Variants in DLGAP2 observed in about 807,000 individuals in gnomAD.
DLGAP2 encodes the protein DLG associated protein 2.
Under a neutral mutation model 100.3 loss-of-function variants are expected in DLGAP2, and 26 were observed. The ratio of observed to expected loss-of-function variants is 0.26; its 90% CI spans 0.19 to 0.36. The LOEUF (loss-of-function observed/expected upper bound fraction) is 0.36. Among genes scored for constraint, DLGAP2 ranks in the 10% least tolerant of loss-of-function variants. The pLI is 1.00. For missense variants in DLGAP2, 1,858 were observed against 1,453.2 expected (o/e 1.28, Z -4.53); for synonymous variants, 886 against 630.1 (o/e 1.41, Z -6.08).
chr8:739,136 C>A, intron 1 of DLGAP2: 1 of 152,678 alleles, frequency 6.5e-6, no homozygotes, highest in South Asian at 2.0e-4. Context: ...TGGATGAACT[C>A]GGCCAGCCCG....
chr8:822,833 T>C (rs2132688507), intron 1 of DLGAP2, among the ~76,000 whole-genome samples: 1 of 152,280 alleles, frequency 6.6e-6, no homozygotes, highest in Middle Eastern at 3.4e-3. Context: ...TGCTGGGTGC[T>C]TCAGGGACTG....
Position 1,626,414 on chromosome 8 carries a change from A to G in DLGAP2, c.1443-326A>G, listed in dbSNP as rs868086147. ...ACGGCTGTTCCCATCTCTACCCTGC[A>G]GCGGGTGCTCACCCTCTGGGTGTGG... On this transcript the variant is annotated intron_variant, in intron 6 of 14. Coordinates refer to ENST00000637795, the MANE Select transcript of DLGAP2 (RefSeq NM_001346810.2). Among the ~76,000 whole-genome samples the G allele has an allele frequency of 4.4e-4, 37 of 84,610 alleles. No homozygotes were observed. In the South Asian group the frequency reaches 6.2e-3, roughly 14 times the overall value. 55.5% of individuals were successfully genotyped at this position (84,610 alleles called of 152,430 possible).
Position 1,706,526 on chromosome 8 carries a change from A to G in DLGAP2, c.*5120A>G, listed in dbSNP as rs1251498190. On this transcript the variant is annotated 3_prime_UTR_variant, in exon 15 of 15. Transcript: ENST00000637795. ...GACCACCAGAGGCAGAGGCCATGAG[A>G]CTGTCTTTGGAAAGGTTTGGAAATG... 2.6e-5 allele frequency: 4 copies of G among 152,294 alleles called. No individual in the cohort carries two copies. The highest frequency in any genetic ancestry group is 7.2e-5 in the African/African-American group (3 of 41,552). The allele number at this position is 152,294 out of a possible 1,614,324, so 9.4% of individuals were successfully genotyped here. A position where few individuals can be genotyped will look rare whatever the true frequency, so the allele number is the denominator to read the frequency against.
chr8:1,610,111 A>T (rs1362716425), intron 6 of DLGAP2, among the ~76,000 whole-genome samples: 2 of 151,902 alleles, frequency 1.3e-5, no homozygotes, highest in Admixed American at 1.3e-4. Context: ...CACCACACCT[A>T]TTCCAAAATT....
intron 1 of DLGAP2, among the ~76,000 whole-genome samples, chr8:896,612 G>A (rs962782148): frequency 6.6e-6 from 1 of 152,142 alleles, no homozygotes; most frequent in Non-Finnish European, 1.5e-5. Context: ...AGTCACGAGG[G>A]TGGGGCCCCC....
At chr8:1,302,569 G>C (rs1001055429) in intron 3 of DLGAP2, 1 of 151,968 alleles carries the variant, frequency 6.6e-6, no homozygotes, top group Non-Finnish European at 1.5e-5. Flanking sequence ...GTGAGTTCCC[G>C]AGCTCTGCTC....
intron 2 of DLGAP2, among the ~76,000 whole-genome samples, chr8:969,555 G>A (rs1013970046): frequency 1.3e-5 from 2 of 149,230 alleles, no homozygotes; most frequent in African/African-American, 2.4e-5. Context: ...AAAAAAAAAA[G>A]ATATAAACTT....
chr8:1,156,401 C>T (rs1183979981), intron 2 of DLGAP2, among the ~76,000 whole-genome samples: 2 of 152,168 alleles, frequency 1.3e-5, no homozygotes, highest in African/African-American at 2.4e-5. Flanking sequence ...TGGGTCTGGC[C>T]GTGGGCCGTG....
chr8:901,431 C>T (rs1012183727), intron 1 of DLGAP2, among the ~76,000 whole-genome samples: 1 of 152,202 alleles, frequency 6.6e-6, no homozygotes, highest in African/African-American at 2.4e-5. Flanking sequence ...AAGTGTTTAT[C>T]TGCTAAGAAA....
chr8:1,449,048 G>A (rs917000763), intron 3 of DLGAP2, among the ~76,000 whole-genome samples: 1 of 152,182 alleles, frequency 6.6e-6, no homozygotes, highest in African/African-American at 2.4e-5. Context: ...GGTCAGGGAC[G>A]GCACATCCCG....
chr8:1,535,229 T>C (rs1429520729), intron 4 of DLGAP2, among the ~76,000 whole-genome samples: 3 of 152,174 alleles, frequency 2.0e-5, no homozygotes, highest in African/African-American at 4.8e-5. Flanking sequence ...GTAGCCCTGG[T>C]CATCACAGCC....
chr8:952,059 C>CGAG (rs1395995067), intron 2 of DLGAP2, among the ~76,000 whole-genome samples: 3 of 152,206 alleles, frequency 2.0e-5, no homozygotes, highest in Non-Finnish European at 4.4e-5. Flanking sequence ...TGGCACTGAC[C>CGAG]TCTCCTTTTT....
chr8:1,459,197 G>A (rs6985481), intron 3 of DLGAP2, among the ~76,000 whole-genome samples: 4,200 of 41,072 alleles, frequency 0.1, 272 homozygotes, highest in East Asian at 0.41. Context: ...GTTTACATGC[G>A]TAGACCCCAG....
At chr8:1,586,878 C>T (rs189620663) in intron 6 of DLGAP2, among the ~76,000 whole-genome samples, 3 of 152,232 alleles carry the variant, frequency 2.0e-5, no homozygotes, top group African/African-American at 7.2e-5. Context: ...AGGGGATTTT[C>T]TGGGCATGTG....
At chr8:1,028,064 T>C (rs540682816) in intron 2 of DLGAP2, among the ~76,000 whole-genome samples, 1 of 137,738 alleles carries the variant, frequency 7.3e-6, no homozygotes, top group East Asian at 2.6e-4. Context: ...ATTCTCCAGG[T>C]GGGGTGCCAA....
At chr8:1,542,640 G>T (rs368378197) in intron 4 of DLGAP2, among the ~76,000 whole-genome samples, 2 of 152,280 alleles carry the variant, frequency 1.3e-5, no homozygotes, top group African/African-American at 4.8e-5. Flanking sequence ...CCATTCATCC[G>T]TCGGGCAGCA....
At chr8:883,198 A>C (rs573713781) in intron 1 of DLGAP2, 1 of 152,362 alleles carries the variant, frequency 6.6e-6, no homozygotes, top group South Asian at 2.1e-4. Context: ...TGTACCCACC[A>C]CTGGGCAGAC....
intron 6 of DLGAP2, among the ~76,000 whole-genome samples, chr8:1,623,129 C>T (rs1387074549): frequency 6.6e-6 from 1 of 152,228 alleles, no homozygotes; most frequent in Non-Finnish European, 1.5e-5. Context: ...TATTTTTTAA[C>T]TATTTAAAAA....
At chr8:1,560,622 G>C (rs1802125228) in intron 5 of DLGAP2, among the ~76,000 whole-genome samples, 2 of 152,180 alleles carry the variant, frequency 1.3e-5, no homozygotes, top group Admixed American at 1.3e-4. Context: ...TCTCCAGAAA[G>C]ACCGGGCGCT....
Sources: allele counts gnomAD v4.1 joint callset (sites outside exome capture counted in the v4.1 genomes callset), GRCh38; gene constraint gnomAD v4.1.1; transcripts MANE v1.5; gene names NCBI Gene and HGNC (gene_info 2026-07-23, HGNC 2026-07-21).